The following USP34 variants were observed in gnomAD, a reference collection of about 807,000 sequenced individuals.
USP34 encodes the protein ubiquitin carboxyl-terminal hydrolase 34.
USP34 carries 70 observed loss-of-function variants against 460.3 expected under a neutral mutation model. That is an observed-to-expected ratio of 0.15 (90% CI 0.13 to 0.19). The LOEUF (loss-of-function observed/expected upper bound fraction) is 0.19, where lower values mean the gene tolerates loss of function less well. USP34 is among the 10% of genes least tolerant of loss of function. The pLI, the probability that USP34 is intolerant of heterozygous loss-of-function variation, is 1.00. For missense variants in USP34, 3,985 were observed against 4,236.2 expected (o/e 0.94, Z 1.65); for synonymous variants, 1,647 against 1,405.3 (o/e 1.17, Z -3.85).
intron 44 of USP34, among the ~76,000 whole-genome samples, chr2:61,258,420 A>T (rs548858915): frequency 6.6e-6 from 1 of 152,350 alleles, no homozygotes; most frequent in African/African-American, 2.4e-5. Context: ...TACAAGGCAG[A>T]AACAACAAAG....
chr2:61,216,138 A>C (rs781314587), intron 67 of USP34, among the ~76,000 whole-genome samples: 1 of 152,308 alleles, frequency 6.6e-6, no homozygotes, highest in East Asian at 1.9e-4. Flanking sequence ...CTTTGTGCAC[A>C]ATACTCCATT....
chr2:61,262,128 T>TAG (rs1688905613), intron 43 of USP34, among the ~76,000 whole-genome samples: 28 of 128,856 alleles, frequency 2.2e-4, no homozygotes, highest in South Asian at 1.5e-3. Flanking sequence ...TATATATATA[T>TAG]ATATAGATAG....
chr2:61,281,876 A>G (rs1689545181), intron 37 of USP34, among the ~76,000 whole-genome samples: 1 of 152,240 alleles, frequency 6.6e-6, no homozygotes, highest in African/African-American at 2.4e-5. Context: ...GCAACACAGA[A>G]GCAACTTCAA....
chr2:61,389,865 A>G (rs2103888687), intron 5 of USP34, among the ~76,000 whole-genome samples: 2 of 151,638 alleles, frequency 1.3e-5, no homozygotes, highest in Admixed American at 1.3e-4. Context: ...GGAAAAAAAG[A>G]AAAAAAAAGT....
intron 1 of USP34, among the ~76,000 whole-genome samples, chr2:61,455,971 T>A (rs887014235): frequency 3.3e-5 from 5 of 152,120 alleles, no homozygotes; most frequent in Non-Finnish European, 5.9e-5. Flanking sequence ...GTTCCAAAGA[T>A]CACTCACTCA....
At chr2:61,256,578 A>C in intron 47 of USP34, 100 bp from the exon 48 acceptor site, 1 of 945,710 alleles carries the variant, frequency 1.1e-6, no homozygotes. Flanking sequence ...CTCAGCAAAA[A>C]AATTTTTTTT....
At chr2:61,311,444 G>C in intron 27 of USP34, 96 bp downstream of exon 27, 1 of 1,347,298 alleles carries the variant, frequency 7.4e-7, no homozygotes, top group South Asian at 1.6e-5. Flanking sequence ...AAAAGAAAAG[G>C]AGAATAAAAG....
chr2:61,239,696 ACC>A lies in USP34; in HGVS notation c.6777+1862_6777+1863del, dbSNP rs1688188712. Among the ~76,000 whole-genome samples the A allele has an allele frequency of 2.0e-5, 3 of 152,320 alleles. No individual in the cohort carries two copies. The South Asian group carries it at 6.2e-4, about 32-fold the overall frequency. ...AAAAAGACAACATTCCTGGCTTTTT[ACC>A]ATTAACACATGTGCAGGCAAGATAC... On this transcript the variant is annotated intron_variant, in intron 53 of 79. Coordinates refer to ENST00000398571, the MANE Select transcript of USP34 (RefSeq NM_014709.4).
At chr2:61,244,059 T>C (rs916207664) in intron 51 of USP34, among the ~76,000 whole-genome samples, 1 of 151,972 alleles carries the variant, frequency 6.6e-6, no homozygotes, top group Non-Finnish European at 1.5e-5. Context: ...AGCCCTTCAT[T>C]AAAATCTGGA....
In USP34 at chr2:61,214,089, G is replaced by C. The variant is rs759814212; in HGVS notation, c.8653C>G (p.Leu2885Val). 6.2e-7 allele frequency: 1 copy of C among 1,614,220 alleles called. No homozygotes were observed. Among genetic ancestry groups the C allele is most frequent in the Non-Finnish European group, 8.5e-7 (1 of 1,180,032 alleles). Reference protein sequence around the residue: ...HQNIQWAFKNLTPHASQYPGA... With the variant: ...HQNIQWAFKNVTPHASQYPGA... ...GGGTATTGGCTGGCATGTGGTGTAA[G>C]ATTCTTAAAGGCCCACTGGATGTTC... is the stretch of plus-strand genomic sequence containing the variant. Residue 2885 changes from leucine (L) to valine (V), a missense_variant, in exon 68 of 80, where the codon CTT (leucine) becomes GTT (valine). Physicochemically the swap from Leu to Val is conservative, Grantham distance 32. Coordinates refer to ENST00000398571, the MANE Select transcript of USP34 (RefSeq NM_014709.4).
At position 61,326,995 on chromosome 2, in the gene USP34, C is replaced by T. The variant is rs539131582; in HGVS notation, c.2931-1538G>A. Among the ~76,000 whole-genome samples the T allele has an allele frequency of 1.5e-3, 231 of 151,860 alleles. 1 individual carries two copies. The highest frequency in any genetic ancestry group is 5.1e-3 in the African/African-American group (213 of 41,388). On this transcript the variant is annotated intron_variant, in intron 20 of 79. Transcript: ENST00000398571. ...AGAAATATGGTGTCACCACATTAGC[C>T]AGCTGGTCTCTAACTCCTGACCTCA...
At chr2:61,427,413 A>G (rs1335939967) in intron 1 of USP34, among the ~76,000 whole-genome samples, 1 of 152,216 alleles carries the variant, frequency 6.6e-6, no homozygotes, top group African/African-American at 2.4e-5. Flanking sequence ...ATAAATACCT[A>G]ACTCTTCAAT....
chr2:61,301,509 C>T (rs1347766668), intron 27 of USP34, 55 bp from the exon 28 acceptor site: 2 of 1,473,260 alleles, frequency 1.4e-6, no homozygotes, highest in Non-Finnish European at 9.4e-7. Context: ...AACTTACTTG[C>T]TGATAAGAAT....
At chr2:61,408,481 C>T (rs1389061321) in intron 2 of USP34, among the ~76,000 whole-genome samples, 6 of 152,124 alleles carry the variant, frequency 3.9e-5, no homozygotes, top group African/African-American at 7.2e-5. Flanking sequence ...TCCAAGGCCT[C>T]CTCCAGCTTT....
intron 72 of USP34, 122 bp downstream of exon 72, chr2:61,205,895 T>C: frequency 3.0e-6 from 2 of 670,632 alleles, no homozygotes; most frequent in Non-Finnish European, 5.1e-6. Context: ...TGCTAGCTAG[T>C]GTGAGTTACA....
chr2:61,264,061 C>A (rs1189207075), intron 43 of USP34, among the ~76,000 whole-genome samples: 1 of 152,128 alleles, frequency 6.6e-6, no homozygotes, highest in East Asian at 1.9e-4. Context: ...TGAAAACATG[C>A]TTCTTTGATA....
chr2:61,470,758 G>A lies in USP34; in HGVS notation c.-66C>T. The A allele has an allele frequency of 2.1e-6, 3 of 1,443,338 alleles. No individual in the cohort carries two copies. The highest frequency in any genetic ancestry group is 2.9e-6 in the Non-Finnish European group (3 of 1,050,830). 89.4% of individuals were successfully genotyped at this position (1,443,338 alleles called of 1,614,324 possible). On this transcript the variant is annotated 5_prime_UTR_variant, in exon 1 of 80. Coordinates refer to ENST00000398571, the MANE Select transcript of USP34 (RefSeq NM_014709.4). ...ACTGACTGATCCCGACCGGCGGGGG[G>A]GAGGGGAGAGAGGCGGAGGAGGGGG...
intron 1 of USP34, among the ~76,000 whole-genome samples, chr2:61,443,212 G>C (rs1375613364): frequency 6.6e-6 from 1 of 152,160 alleles, no homozygotes; most frequent in Non-Finnish European, 1.5e-5. Flanking sequence ...ATAAGTTCCA[G>C]TGTTCTACAT....
At chr2:61,324,801 T>TA (rs1239427988) in intron 21 of USP34, among the ~76,000 whole-genome samples, 1 of 151,490 alleles carries the variant, frequency 6.6e-6, no homozygotes, top group South Asian at 2.1e-4. Context: ...CTTATAGAAC[T>TA]AAAAAAAAAT....
Sources: gnomAD v4.1 joint callset for allele counts (sites outside exome capture counted in the v4.1 genomes callset) on GRCh38, gnomAD v4.1.1 for gene constraint, MANE v1.5 for transcripts, NCBI Gene and HGNC (gene_info 2026-07-23, HGNC 2026-07-21) for gene names.